Variants in CAST observed in about 807,000 individuals in gnomAD.
CAST encodes the protein calpastatin, also known as MIR583 host.
In CAST, 76 loss-of-function variants were observed where a neutral mutation model predicts 119.6. The ratio of observed to expected loss-of-function variants is 0.64; its 90% CI spans 0.53 to 0.77. The LOEUF (loss-of-function observed/expected upper bound fraction) is 0.77. CAST is among the 30% of genes least tolerant of loss of function. The probability of loss-of-function intolerance (pLI) is 0.00; values close to 1 mark genes in which losing one functional copy is unlikely to be tolerated. For missense variants in CAST, 953 were observed against 946.5 expected, an observed-to-expected ratio of 1.01 and a Z score of -0.09; for synonymous variants, 319 against 331.6, an observed-to-expected ratio of 0.96 and a Z score of 0.41.
intron 26 of CAST, 134 bp from the exon 27 acceptor site, chr5:96,765,919 G>A: frequency 1.7e-6 from 1 of 590,048 alleles, no homozygotes. Flanking sequence ...TTGTTCTGTT[G>A]CTTAAAAAAT....
the CAST span, among the ~76,000 whole-genome samples, chr5:95,980,915 C>T: frequency 1.3e-5 from 2 of 152,176 alleles, no homozygotes; most frequent in Non-Finnish European, 2.9e-5. Context: ...CCCACCAATA[C>T]CCATGAACAT....
At chr5:96,309,656 G>C in the CAST span, among the ~76,000 whole-genome samples, 1 of 152,206 alleles carries the variant, frequency 6.6e-6, no homozygotes, top group Admixed American at 6.5e-5. Context: ...GAGCCGGAGT[G>C]TACTGTTCCT....
At chr5:96,763,589 C>T (rs944264130) in intron 25 of CAST, among the ~76,000 whole-genome samples, 3 of 152,166 alleles carry the variant, frequency 2.0e-5, no homozygotes, top group Non-Finnish European at 4.4e-5. Context: ...CATTTCCCAT[C>T]AGAGAGGCTT....
chr5:96,360,120 C>T, the CAST span, among the ~76,000 whole-genome samples: 103 of 151,854 alleles, frequency 6.8e-4, 1 homozygote, highest in African/African-American at 1.8e-3. Context: ...TCTGCTTGAT[C>T]GCTTCAGCTA....
At chr5:96,203,293 G>A in the CAST span, among the ~76,000 whole-genome samples, 5 of 151,728 alleles carry the variant, frequency 3.3e-5, no homozygotes, top group African/African-American at 4.8e-5. Context: ...CATTATTATG[G>A]TGTAGAGACT....
the CAST span, among the ~76,000 whole-genome samples, chr5:96,020,841 C>T: frequency 1.1e-4 from 15 of 133,330 alleles, no homozygotes; most frequent in Non-Finnish European, 2.3e-4. Flanking sequence ...CCCCCACCCC[C>T]CAACCCATCT....
intron 1 of CAST, among the ~76,000 whole-genome samples, chr5:96,582,638 TG>T (rs1443887473): frequency 2.0e-5 from 3 of 152,232 alleles, no homozygotes; most frequent in Admixed American, 1.3e-4. Flanking sequence ...AGTGCGCGGC[TG>T]GAAGCCTGCA....
intron 9 of CAST, among the ~76,000 whole-genome samples, chr5:96,731,384 A>T (rs569884952): frequency 2.8e-4 from 42 of 152,106 alleles, no homozygotes; most frequent in African/African-American, 9.6e-4. Flanking sequence ...AGCTGCTTCC[A>T]ATACTTGCCC....
At chr5:96,098,046 C>T in the CAST span, among the ~76,000 whole-genome samples, 555 of 152,264 alleles carry the variant, frequency 3.6e-3, 3 homozygotes, top group African/African-American at 0.013. Context: ...GATGGTATCT[C>T]CTTGTGGTTT....
intron 2 of CAST, among the ~76,000 whole-genome samples, chr5:96,685,638 C>G (rs1178956418): frequency 6.6e-6 from 1 of 151,900 alleles, no homozygotes; most frequent in Non-Finnish European, 1.5e-5. Flanking sequence ...GTATTAGTAC[C>G]AAAACAAATT....
the CAST span, among the ~76,000 whole-genome samples, chr5:96,072,993 TGAGATTGTTTATTC>T: frequency 2.6e-5 from 4 of 152,238 alleles, no homozygotes; most frequent in African/African-American, 9.6e-5. Flanking sequence ...GTGTTGTCAT[TGAGATTGTTTATTC>T]GAGATTGTTT....
chr5:96,557,363 T>C (rs1360862016), intron 1 of CAST, among the ~76,000 whole-genome samples: 2 of 151,948 alleles, frequency 1.3e-5, no homozygotes, highest in Non-Finnish European at 2.9e-5. Context: ...ATAACAATAT[T>C]AACCTTAAAT....
chr5:96,500,629 C>T, the CAST span, among the ~76,000 whole-genome samples: 87 of 152,298 alleles, frequency 5.7e-4, no homozygotes, highest in Non-Finnish European at 1.1e-3. Flanking sequence ...GCAATCACCT[C>T]CAAACACAGG....
At chr5:96,505,809 C>T in the CAST span, among the ~76,000 whole-genome samples, 1 of 152,242 alleles carries the variant, frequency 6.6e-6, no homozygotes, top group African/African-American at 2.4e-5. Flanking sequence ...GCTACATCCA[C>T]AGGCTTCATC....
chr5:96,413,056 C>T, the CAST span: 2 of 589,074 alleles, frequency 3.4e-6, no homozygotes, highest in Non-Finnish European at 4.3e-6. Flanking sequence ...GATCTAGTCA[C>T]AACAGGAAAC....
the CAST span, among the ~76,000 whole-genome samples, chr5:96,028,028 A>C: frequency 6.6e-6 from 1 of 152,134 alleles, no homozygotes; most frequent in Non-Finnish European, 1.5e-5. Context: ...ACACATTCCA[A>C]TTCAAATGAA....
At chr5:96,687,732 CTATT>C (rs1328647844) in intron 2 of CAST, among the ~76,000 whole-genome samples, 8 of 152,102 alleles carry the variant, frequency 5.3e-5, no homozygotes, top group African/African-American at 4.8e-5. Context: ...TTGAAGAAAA[CTATT>C]TATAGGAAAC....
chr5:96,400,179 G>C, the CAST span: 1 of 1,613,104 alleles, frequency 6.2e-7, no homozygotes, highest in Non-Finnish European at 8.5e-7. Context: ...CGCCAGGTGA[G>C]ATTTGGGCTG....
chr5:96,331,797 G>A, the CAST span, among the ~76,000 whole-genome samples: 1 of 152,324 alleles, frequency 6.6e-6, no homozygotes, highest in South Asian at 2.1e-4. Flanking sequence ...AGATTTGGAA[G>A]GCTTTTCAAT....
Sources: gnomAD v4.1 joint callset for allele counts (sites outside exome capture counted in the v4.1 genomes callset) on GRCh38, gnomAD v4.1.1 for gene constraint, MANE v1.5 for transcripts, NCBI Gene and HGNC (gene_info 2026-07-23, HGNC 2026-07-21) for gene names.